The following BRINP3 variants were observed in gnomAD, a reference collection of about 807,000 sequenced individuals.
BRINP3 encodes BMP/retinoic acid inducible neural specific 3, also known as BMP/retinoic acid-inducible neural-specific protein 3.
In BRINP3, 19 loss-of-function variants were observed where a neutral mutation model predicts 71.0. That is an observed-to-expected ratio of 0.27 (90% CI 0.19 to 0.39). The LOEUF (loss-of-function observed/expected upper bound fraction) is 0.39. Among genes scored for constraint, BRINP3 ranks in the 10% least tolerant of loss-of-function variants. The pLI is 1.00. For missense variants in BRINP3, 959 were observed against 940.8 expected (o/e 1.02, Z -0.25); for synonymous variants, 380 against 337.7 (o/e 1.13, Z -1.37).
At chr1:190,304,556 A>C (rs772822365) in intron 2 of BRINP3, among the ~76,000 whole-genome samples, 1 of 151,916 alleles carries the variant, frequency 6.6e-6, no homozygotes. Context: ...GGCACTGGGA[A>C]AACGATATTA....
chr1:190,146,279 C>A (rs1655881179), intron 7 of BRINP3, among the ~76,000 whole-genome samples: 2 of 152,124 alleles, frequency 1.3e-5, no homozygotes, highest in Non-Finnish European at 1.5e-5. Flanking sequence ...ATGACCTAAT[C>A]TGGACTTTGT....
At chr1:190,133,053 G>A (rs1397550795) in intron 7 of BRINP3, among the ~76,000 whole-genome samples, 2 of 152,036 alleles carry the variant, frequency 1.3e-5, no homozygotes, top group Admixed American at 1.3e-4. Flanking sequence ...CAGGTAGCTG[G>A]ACTGCAACTT....
intron 7 of BRINP3, among the ~76,000 whole-genome samples, chr1:190,138,407 G>T (rs1389611493): frequency 6.6e-6 from 1 of 152,124 alleles, no homozygotes; most frequent in Non-Finnish European, 1.5e-5. Context: ...ACAAATCCTT[G>T]TATTATTCAG....
At chr1:190,265,701 C>T (rs755980385) in intron 3 of BRINP3, among the ~76,000 whole-genome samples, 17 of 151,154 alleles carry the variant, frequency 1.1e-4, no homozygotes, top group Non-Finnish European at 1.8e-4. Context: ...GGCGACAGAG[C>T]GAGACTCCGT....
chr1:190,199,761 C>G (rs1379788877), intron 6 of BRINP3, among the ~76,000 whole-genome samples: 1 of 110,414 alleles, frequency 9.1e-6, no homozygotes, highest in Non-Finnish European at 1.8e-5. Context: ...CTATTCTTGT[C>G]AAGGCATAGG....
At chr1:190,461,533 A>G (rs1676399036) in intron 1 of BRINP3, among the ~76,000 whole-genome samples, 1 of 152,172 alleles carries the variant, frequency 6.6e-6, no homozygotes, top group Non-Finnish European at 1.5e-5. Context: ...CAATTAGATT[A>G]ATTTTGGGAG....
intron 2 of BRINP3, among the ~76,000 whole-genome samples, chr1:190,288,511 C>T (rs1320013203): frequency 2.6e-5 from 4 of 151,902 alleles, no homozygotes; most frequent in South Asian, 4.2e-4. Context: ...CAATTTAATT[C>T]ACAAAATGTA....
chr1:190,301,234 T>TATATATATACAC (rs1268377492), intron 2 of BRINP3, among the ~76,000 whole-genome samples: 10 of 123,398 alleles, frequency 8.1e-5, no homozygotes, highest in South Asian at 7.7e-4. Context: ...TATATATATA[T>TATATATATACAC]ACACACATAC....
At chr1:190,433,207 C>T (rs1363042755) in intron 2 of BRINP3, among the ~76,000 whole-genome samples, 2 of 152,120 alleles carry the variant, frequency 1.3e-5, no homozygotes, top group African/African-American at 4.8e-5. Context: ...CTTCTTTCTG[C>T]TATTATTTGC....
chr1:190,465,275 T>A (rs1163537452), intron 1 of BRINP3, among the ~76,000 whole-genome samples: 2 of 151,950 alleles, frequency 1.3e-5, no homozygotes, highest in Non-Finnish European at 2.9e-5. Flanking sequence ...AAATGAAAGA[T>A]GTTTAGAAAG....
At chr1:190,227,776 G>A (rs1359677209) in intron 5 of BRINP3, among the ~76,000 whole-genome samples, 1 of 151,844 alleles carries the variant, frequency 6.6e-6, no homozygotes, top group Non-Finnish European at 1.5e-5. Flanking sequence ...AATGAAAGTA[G>A]TAATATTGTT....
intron 2 of BRINP3, among the ~76,000 whole-genome samples, chr1:190,408,368 ATGGTCTTG>A (rs1322773181): frequency 3.3e-5 from 5 of 152,020 alleles, no homozygotes; most frequent in African/African-American, 1.2e-4. Flanking sequence ...TATAAATAAA[ATGGTCTTG>A]TTTCAATCAC....
intron 2 of BRINP3, among the ~76,000 whole-genome samples, chr1:190,319,338 T>A (rs1055932707): frequency 5.3e-5 from 8 of 152,142 alleles, no homozygotes; most frequent in Admixed American, 5.2e-4. Context: ...GTTTTGGCAC[T>A]TTTTCACACT....
intron 6 of BRINP3, among the ~76,000 whole-genome samples, chr1:190,166,869 G>A (rs77100566): frequency 6.6e-6 from 1 of 152,062 alleles, no homozygotes; most frequent in East Asian, 1.9e-4. Flanking sequence ...GATTACAGGC[G>A]CATACCACTA....
At chr1:190,144,463 C>T (rs963141286) in intron 7 of BRINP3, among the ~76,000 whole-genome samples, 2 of 151,818 alleles carry the variant, frequency 1.3e-5, no homozygotes, top group East Asian at 3.9e-4. Context: ...AATTTCAACC[C>T]ATTGTGCTGT....
intron 2 of BRINP3, among the ~76,000 whole-genome samples, chr1:190,326,993 AACAG>A (rs976876195): frequency 6.7e-6 from 1 of 149,456 alleles, no homozygotes; most frequent in Non-Finnish European, 1.5e-5. Context: ...CCTGATGTAA[AACAG>A]ACAGTGTCAA....
At chr1:190,194,334 C>T (rs891157031) in intron 6 of BRINP3, among the ~76,000 whole-genome samples, 12 of 151,616 alleles carry the variant, frequency 7.9e-5, no homozygotes, top group African/African-American at 2.7e-4. Context: ...CCTCTGGCCC[C>T]CAGAATTGTG....
At chr1:190,343,754 A>G (rs1667824046) in intron 2 of BRINP3, among the ~76,000 whole-genome samples, 1 of 151,656 alleles carries the variant, frequency 6.6e-6, no homozygotes, top group African/African-American at 2.4e-5. Context: ...CTTCAATTAC[A>G]CTAATAAGGA....
At chr1:190,140,709 A>G (rs1655361622) in intron 7 of BRINP3, among the ~76,000 whole-genome samples, 1 of 152,226 alleles carries the variant, frequency 6.6e-6, no homozygotes, top group Admixed American at 6.5e-5. Flanking sequence ...ATTTCAAAAC[A>G]GCACATAAAC....
Sources: gnomAD v4.1 joint callset for allele counts (sites outside exome capture counted in the v4.1 genomes callset) on GRCh38, gnomAD v4.1.1 for gene constraint, MANE v1.5 for transcripts, NCBI Gene and HGNC (gene_info 2026-07-23, HGNC 2026-07-21) for gene names.